Variants in ZFAT observed in about 807,000 individuals in gnomAD.
ZFAT encodes zinc finger protein ZFAT.
ZFAT carries 64 observed loss-of-function variants against 117.7 expected under a neutral mutation model. The observed-to-expected ratio is 0.54, with a 90% CI of 0.44 to 0.67. The LOEUF (loss-of-function observed/expected upper bound fraction) is 0.67. Ranked by LOEUF, ZFAT falls within the 30% of genes least tolerant of loss-of-function variation. The pLI, the probability that ZFAT is intolerant of heterozygous loss-of-function variation, is 0.00. For synonymous variants in ZFAT, 679 were observed against 615.0 expected (o/e 1.10, Z -1.54); for missense variants, 1,433 against 1,584.5 (o/e 0.90, Z 1.62).
chr8:134,679,416 G>A (rs1832960500), intron 1 of ZFAT, among the ~76,000 whole-genome samples: 2 of 152,194 alleles, frequency 1.3e-5, no homozygotes, highest in African/African-American at 4.8e-5. Context: ...TTAGAATGGC[G>A]ATCATTAAAA....
chr8:134,546,815 C>G (rs556300453), intron 11 of ZFAT, among the ~76,000 whole-genome samples: 7 of 152,290 alleles, frequency 4.6e-5, no homozygotes, highest in South Asian at 2.1e-4. Context: ...AGGACTGGAG[C>G]TAATGTAAAC....
intron 10 of ZFAT, among the ~76,000 whole-genome samples, chr8:134,571,415 G>A (rs1056919753): frequency 6.7e-6 from 1 of 148,170 alleles, no homozygotes; most frequent in Non-Finnish European, 1.5e-5. Flanking sequence ...AAGATCCCAG[G>A]TAACTTTACC....
At chr8:134,601,393 C>A in intron 6 of ZFAT, 84 bp downstream of exon 6, 2 of 1,510,692 alleles carry the variant, frequency 1.3e-6, no homozygotes, top group African/African-American at 1.4e-5. Context: ...TCTTTGCAAA[C>A]AGACATGAGC....
intron 1 of ZFAT, among the ~76,000 whole-genome samples, chr8:134,701,960 G>C (rs901995366): frequency 6.6e-6 from 1 of 152,228 alleles, no homozygotes; most frequent in African/African-American, 2.4e-5. Context: ...CTGCTCTCAT[G>C]AATGAATTAA....
chr8:134,608,907 A>AT, intron 4 of ZFAT, 28 bp from the exon 5 acceptor site: 1 of 1,589,558 alleles, frequency 6.3e-7, no homozygotes, highest in Non-Finnish European at 8.5e-7. Flanking sequence ...GGCATTGCTT[A>AT]TTGAGAGGCA....
intron 11 of ZFAT, among the ~76,000 whole-genome samples, chr8:134,552,286 A>G (rs979230020): frequency 1.3e-5 from 2 of 152,204 alleles, no homozygotes; most frequent in African/African-American, 4.8e-5. Context: ...AACATTTCAT[A>G]TGCTTTGCAT....
Position 134,601,994 on chromosome 8 carries a change from A to G in ZFAT, c.1725T>C (p.Cys575=). Residue 575 remains cysteine, a synonymous_variant, in exon 6 of 16, where the codon TGT becomes TGC. Transcript: ENST00000377838. ...PQAESTALPP[C]ELETTVVSSS... ...AGGAGACCACGGTGGTTTCCAGCTC[A>G]CAGGGTGGCAGGGCTGTGCTTTCGG... is the stretch of plus-strand genomic sequence containing the variant. 1 of 1,613,536 alleles carries G rather than the reference A, an allele frequency of 6.2e-7. No homozygotes were observed. The highest frequency in any genetic ancestry group is 8.5e-7 in the Non-Finnish European group (1 of 1,179,890).
intron 3 of ZFAT, among the ~76,000 whole-genome samples, chr8:134,622,750 G>A (rs936967209): frequency 6.6e-6 from 1 of 152,104 alleles, no homozygotes; most frequent in Non-Finnish European, 1.5e-5. Context: ...GGAGATGAAA[G>A]GAAATGGGGA....
the ZFAT span, among the ~76,000 whole-genome samples, chr8:134,724,710 G>A: frequency 5.9e-5 from 9 of 151,966 alleles, no homozygotes; most frequent in Admixed American, 1.3e-4. Flanking sequence ...TATCAGTTAC[G>A]TTACCTGCCA....
At chr8:134,494,207 G>T (rs1321846322) in intron 15 of ZFAT, among the ~76,000 whole-genome samples, 1 of 152,170 alleles carries the variant, frequency 6.6e-6, no homozygotes, top group Non-Finnish European at 1.5e-5. Flanking sequence ...TGTTGGGGTT[G>T]GGCAAACCTT....
rs760428522 is a variant in ZFAT at position 134,657,726 on chromosome 8, T to C, written c.31A>G (p.Ile11Val). The change falls in exon 2 of 16, where the codon ATC (isoleucine) becomes GTC (valine). Residue 11 changes from isoleucine (I) to valine (V), a missense_variant. Transcript: ENST00000377838. METRAAENTA[I>V]FMCKCCNLFS... ...AGGTTACAACATTTACACATAAAGA[T>C]GGCCGTGTTTTCTGTAAGGAAAAAA... The C allele has an allele frequency of 1.9e-6, 3 of 1,608,116 alleles. No homozygotes were observed. The highest frequency in any genetic ancestry group is 2.5e-6 in the Non-Finnish European group (3 of 1,178,010).
intron 3 of ZFAT, among the ~76,000 whole-genome samples, chr8:134,632,832 T>TGCCC (rs1456162960): frequency 1.3e-5 from 2 of 152,160 alleles, no homozygotes; most frequent in Non-Finnish European, 2.9e-5. Flanking sequence ...GAACACAGAA[T>TGCCC]GCCCCCAATC....
At chr8:134,560,831 A>G (rs540884445) in intron 11 of ZFAT, among the ~76,000 whole-genome samples, 3 of 152,192 alleles carry the variant, frequency 2.0e-5, no homozygotes, top group South Asian at 2.1e-4. Context: ...AGATGGAAGG[A>G]TTTGGAAGAA....
At chr8:134,716,439 C>T (rs960994679), upstream of ZFAT, among the ~76,000 whole-genome samples, 4 of 152,168 alleles carry the variant, frequency 2.6e-5, no homozygotes, top group Admixed American at 6.5e-5. Flanking sequence ...CCATGGAGTG[C>T]CATCACATCC....
intron 1 of ZFAT, among the ~76,000 whole-genome samples, chr8:134,694,322 CT>C (rs1264907752): frequency 6.6e-6 from 1 of 152,134 alleles, no homozygotes; most frequent in African/African-American, 2.4e-5. Flanking sequence ...GGAGAATGTC[CT>C]TGTGTTTAGG....
At chr8:134,630,828 A>C (rs1408092606) in intron 3 of ZFAT, among the ~76,000 whole-genome samples, 1 of 152,216 alleles carries the variant, frequency 6.6e-6, no homozygotes, top group African/African-American at 2.4e-5. Flanking sequence ...GGTAAGAAAA[A>C]GTTTATTTTG....
intron 1 of ZFAT, among the ~76,000 whole-genome samples, chr8:134,690,072 T>A (rs1324761529): frequency 1.3e-5 from 2 of 152,256 alleles, no homozygotes; most frequent in African/African-American, 2.4e-5. Context: ...CAACAGCCAG[T>A]GTGTTATTTT....
intron 15 of ZFAT, among the ~76,000 whole-genome samples, chr8:134,507,142 GCA>G (rs748407485): frequency 1.2e-4 from 18 of 152,142 alleles, no homozygotes; most frequent in Non-Finnish European, 2.9e-5. Flanking sequence ...CATTGCTTCA[GCA>G]CAGTTATTAA....
intron 10 of ZFAT, among the ~76,000 whole-genome samples, chr8:134,580,012 G>C (rs1825609526): frequency 6.6e-6 from 1 of 151,730 alleles, no homozygotes; most frequent in Non-Finnish European, 1.5e-5. Flanking sequence ...GCCTCCGAGA[G>C]GTAATCAGAA....
Sources: allele counts gnomAD v4.1 joint callset (sites outside exome capture counted in the v4.1 genomes callset), GRCh38; gene constraint gnomAD v4.1.1; transcripts MANE v1.5; gene names NCBI Gene and HGNC (gene_info 2026-07-23, HGNC 2026-07-21).